TTN: variants seen among roughly 807,000 people sequenced by gnomAD.
The protein encoded by TTN is connectin.
Under a neutral mutation model 3,223.0 loss-of-function variants are expected in TTN, and 1,525 were observed. The ratio of observed to expected loss-of-function variants is 0.47; its 90% confidence interval spans 0.45 to 0.49. The LOEUF is 0.49. Ranked by LOEUF, TTN falls within the 20% of genes least tolerant of loss-of-function variation. TTN has a pLI of 0.00. For synonymous variants in TTN, 14,094 were observed against 15,161.0 expected, an observed-to-expected ratio of 0.93 and a Z score of 5.17; for missense variants, 40,786 against 43,424.0, an observed-to-expected ratio of 0.94 and a Z score of 5.40.
chr2:178,611,263 T>A lies in TTN; in HGVS notation c.50866A>T (p.Thr16956Ser), dbSNP rs1250320003. The A allele has an allele frequency of 6.2e-7, 1 of 1,612,148 alleles. No individual in the cohort carries two copies. The highest frequency in any genetic ancestry group is 8.5e-7 in the Non-Finnish European group (1 of 1,179,126). The change falls in exon 270 of 363, where the codon ACA becomes TCA. Residue 16956 changes from threonine to serine, a missense_variant. Coordinates refer to ENST00000589042, the MANE Select transcript of TTN (RefSeq NM_001267550.2). Reference sequence around the variant, plus strand: ...ATGTCATGAGTCTCCAGGTCAATTGTTGGCTTGCCTGTAAGATATCATTCA... The same window carrying A: ...ATGTCATGAGTCTCCAGGTCAATTGATGGCTTGCCTGTAAGATATCATTCA... Reference protein sequence around the residue: ...VVAKDPDCKPTIDLETHDIIV... With the variant: ...VVAKDPDCKPSIDLETHDIIV...
chr2:178,582,477 A>G lies in TTN; in HGVS notation c.65979T>C (p.Val21993=), dbSNP rs745551095. The part of the protein sequence containing the change: ...DGGSEITNYI[V]DKRETSRPNW... Reference sequence around the variant, plus strand: ...TGGGCCTGCTTGTTTCACGTTTGTCAACAATATAGTTGGTGATTTCTGAGC... The same window carrying G: ...TGGGCCTGCTTGTTTCACGTTTGTCGACAATATAGTTGGTGATTTCTGAGC... The change falls in exon 314 of 363, where the codon GTT becomes GTC. Residue 21993 remains valine, a synonymous_variant. Transcript: ENST00000589042. 1 of 1,612,956 alleles carries G rather than the reference A, an allele frequency of 6.2e-7. No individual in the cohort carries two copies. Among genetic ancestry groups the G allele is most frequent in the Non-Finnish European group, 8.5e-7 (1 of 1,179,332 alleles).
At chr2:178,685,102 G>T in intron 129 of TTN, 113 bp from the exon 130 acceptor site, 1 of 1,146,896 alleles carries the variant, frequency 8.7e-7, no homozygotes, top group Non-Finnish European at 1.3e-6. Context: ...AAACGTTAAT[G>T]ACTATACTCA....
intron 292 of TTN, 36 bp downstream of exon 292, chr2:178,598,470 T>C: frequency 6.3e-7 from 1 of 1,591,752 alleles, no homozygotes; most frequent in Non-Finnish European, 8.5e-7. Context: ...TTTTAGTTTA[T>C]TCATAGTGCA....
At chr2:178,628,125 G>A (rs1188457400) in intron 240 of TTN, among the ~76,000 whole-genome samples, 1 of 152,018 alleles carries the variant, frequency 6.6e-6, no homozygotes, top group African/African-American at 2.4e-5. Flanking sequence ...TGTATAACAG[G>A]CAGGCGTTAC....
In TTN at chr2:178,785,891, T is replaced by C; in HGVS notation, c.2327A>G (p.His776Arg). ...PRVIQAPSET[H>R]IKTTDQKGMH... ...TCCCTTTTGATCAGTAGTTTTGATATGAGTCTCAGAAGGAGCCTGGATTAC... is the reference window on the plus strand; with the variant it reads ...TCCCTTTTGATCAGTAGTTTTGATACGAGTCTCAGAAGGAGCCTGGATTAC... The change falls in exon 14 of 363, where the codon CAT becomes CGT. Residue 776 changes from histidine to arginine, a missense_variant. By Grantham distance (29) the His-to-Arg change is conservative. Coordinates refer to ENST00000589042, the MANE Select transcript of TTN (RefSeq NM_001267550.2). The C allele has an allele frequency of 6.2e-7, 1 of 1,614,150 alleles. No homozygotes were observed. Among genetic ancestry groups the C allele is most frequent in the Non-Finnish European group, 8.5e-7 (1 of 1,179,998 alleles).
chr2:178,688,003 A>T (rs2071346455), intron 127 of TTN, 108 bp downstream of exon 127: 1 of 827,212 alleles, frequency 1.2e-6, no homozygotes, highest in East Asian at 2.5e-5. Flanking sequence ...ATGTTCACTG[A>T]ATTTGTGTCA....
intron 47 of TTN, chr2:178,751,658 A>G (rs1322761163): frequency 5.6e-6 from 9 of 1,613,428 alleles, no homozygotes; most frequent in Non-Finnish European, 7.6e-6. Context: ...ATTAATTGCT[A>G]GTAACCTATA....
rs876658050 is a variant in TTN, at chr2:178,711,939, A to G, written c.27886+5T>C. ...ATTCGTTCACTTTAAAAATATTGCA[A>G]TCACCTTGAACGGTAAGGAAAGTTG... On this transcript the variant is annotated splice_donor_5th_base_variant and intron_variant, in intron 96 of 362. Transcript: ENST00000589042. The G allele has an allele frequency of 5.8e-6, 9 of 1,560,566 alleles. No individual in the cohort carries two copies. The highest frequency in any genetic ancestry group is 7.8e-6 in the Non-Finnish European group (9 of 1,153,356).
intron 100 of TTN, 115 bp from the exon 101 acceptor site, chr2:178,707,069 AT>A: frequency 1.2e-6 from 1 of 846,592 alleles, no homozygotes; most frequent in Admixed American, 3.0e-5. Flanking sequence ...GTACTGCAGA[AT>A]TCTCTTTCTA....
rs1173795392 is a variant in TTN, at chr2:178,611,196, A to C, written c.50933T>G (p.Phe16978Cys). ...EGEKLSIPVPFRAVPVPTVSW... is the reference protein window; with the variant it reads ...EGEKLSIPVPCRAVPVPTVSW... ...AACAGTTGGAACTGGGACAGCTCTGAAGGGAACAGGAATGCTTAACTTTTC... is the reference window on the plus strand; with the variant it reads ...AACAGTTGGAACTGGGACAGCTCTGCAGGGAACAGGAATGCTTAACTTTTC... The change falls in exon 270 of 363, where the codon TTC (phenylalanine) becomes TGC (cysteine). Residue 16978 changes from phenylalanine to cysteine, a missense_variant. Transcript: ENST00000589042. 6.2e-7 allele frequency: 1 copy of C among 1,612,770 alleles called. No homozygotes were observed. Among genetic ancestry groups the C allele is most frequent in the Non-Finnish European group, 8.5e-7 (1 of 1,179,300 alleles).
At position 178,589,801 on chromosome 2, in the gene TTN, C is replaced by G; in HGVS notation, c.61924G>C (p.Val20642Leu). Reference sequence around the variant, plus strand: ...ACACCTACTTTATTCTCTGCACAAACTCGGAAATAGTATTCATTGTTGGCT... The same window carrying G: ...ACACCTACTTTATTCTCTGCACAAAGTCGGAAATAGTATTCATTGTTGGCT... Reference protein sequence around the residue: ...LLANNEYYFRVCAENKVGVGP... With the variant: ...LLANNEYYFRLCAENKVGVGP... The change falls in exon 304 of 363, where the codon GTT becomes CTT. Residue 20642 changes from valine (V) to leucine (L), a missense_variant. Val to Leu is a conservative substitution (Grantham distance 32). Coordinates refer to ENST00000589042, the MANE Select transcript of TTN (RefSeq NM_001267550.2). 1 of 1,613,548 alleles carries G rather than the reference C, an allele frequency of 6.2e-7. No individual in the cohort carries two copies.
At chr2:178,690,679 G>A (rs1470986657) in intron 121 of TTN, among the ~76,000 whole-genome samples, 3 of 152,116 alleles carry the variant, frequency 2.0e-5, no homozygotes, top group African/African-American at 7.2e-5. Context: ...ATACAATATT[G>A]GCAGCTTTTG....
chr2:178,789,434 C>T lies in TTN; in HGVS notation c.2002G>A (p.Glu668Lys). The change falls in exon 13 of 363, where the codon GAA becomes AAA. Residue 668 changes from glutamate to lysine, a missense_variant. Physicochemically the swap from Glu to Lys is moderately conservative, Grantham distance 56. Transcript: ENST00000589042. Reference sequence around the variant, plus strand: ...CTAGTTCTCAGTATTGTTTCTTGTTCTTTGGCTTTAGCAGTAGCAACTGCT... The same window carrying T: ...CTAGTTCTCAGTATTGTTTCTTGTTTTTTGGCTTTAGCAGTAGCAACTGCT... The part of the protein sequence containing the change: ...TIAVATAKAK[E>K]QETILRTRET... 1.2e-6 allele frequency: 2 copies of T among 1,613,518 alleles called. No individual in the cohort carries two copies. Among genetic ancestry groups the T allele is most frequent in the Non-Finnish European group, 1.7e-6 (2 of 1,179,594 alleles).
In TTN at chr2:178,802,262, G is replaced by T. The variant is rs746218007; in HGVS notation, c.171C>A (p.Ser57=). ...STSTLPGVQI[S]FSDGRAKLTI... ...TCAGTTTAGCGCGGCCATCGCTAAAGGAGATCTGCACGCCGGGCAGAGTGG... is the reference window on the plus strand; with the variant it reads ...TCAGTTTAGCGCGGCCATCGCTAAATGAGATCTGCACGCCGGGCAGAGTGG... The change falls in exon 3 of 363, where the codon TCC becomes TCA. Residue 57 remains serine (S), a synonymous_variant. Transcript: ENST00000589042. 6 of 1,614,028 alleles carry T rather than the reference G, an allele frequency of 3.7e-6. No homozygotes were observed. In the South Asian group the frequency reaches 6.6e-5, roughly 18 times the overall value.
rs769626460 is a variant in TTN, at chr2:178,734,477, C to A, written c.15347G>T (p.Arg5116Leu). Residue 5116 changes from arginine (R) to leucine (L), a missense_variant, in exon 52 of 363, where the codon CGA (arginine) becomes CTA (leucine). Transcript: ENST00000589042. ...AAACAATCTGTATTTTTTACTACTT[C>A]GAATTTGTTTCTTGTCTTTGAACCA... ...ISWFKDKKQI[R>L]SSKKYRLFSQ... The A allele has an allele frequency of 6.2e-7, 1 of 1,613,684 alleles. No homozygotes were observed. The highest frequency in any genetic ancestry group is 2.2e-5 in the East Asian group (1 of 44,838).
chr2:178,674,946 C>A (rs552767695), intron 150 of TTN, 93 bp downstream of exon 150: 2 of 639,090 alleles, frequency 3.1e-6, no homozygotes, highest in Admixed American at 4.1e-5. Flanking sequence ...TGTTGATTTC[C>A]TGGGGTAAAT....
At chr2:178,711,394 T>G in intron 96 of TTN, 45 bp from the exon 97 acceptor site, 1 of 1,514,768 alleles carries the variant, frequency 6.6e-7, no homozygotes, top group Non-Finnish European at 8.8e-7. Flanking sequence ...ATTTACTAAA[T>G]GCTCTTCTCA....
At position 178,602,304 on chromosome 2, in the gene TTN, C is replaced by A. The variant is rs1269570668; in HGVS notation, c.55098G>T (p.Glu18366Asp). ...GESEPSDTTG[E>D]IPATDIQEEP... Reference sequence around the variant, plus strand: ...TACCTTGAATATCAGTGGCAGGGATCTCCCCAGTTGTATCACTTGGTTCAG... The same window carrying A: ...TACCTTGAATATCAGTGGCAGGGATATCCCCAGTTGTATCACTTGGTTCAG... The change falls in exon 283 of 363, where the codon GAG (glutamate) becomes GAT (aspartate). Residue 18366 changes from glutamate to aspartate, a missense_variant. Glu to Asp is a conservative substitution (Grantham distance 45, BLOSUM62 2). Coordinates refer to ENST00000589042, the MANE Select transcript of TTN (RefSeq NM_001267550.2). The A allele has an allele frequency of 6.8e-6, 11 of 1,612,706 alleles. No homozygotes were observed. The highest frequency in any genetic ancestry group is 1.7e-5 in the Admixed American group (1 of 59,918).
chr2:178,725,289 G>T, intron 71 of TTN, 79 bp downstream of exon 71: 3 of 1,375,386 alleles, frequency 2.2e-6, no homozygotes, highest in Non-Finnish European at 1.9e-6. Context: ...AAGAAACTCA[G>T]AAAAAGAATC....
Sources: allele counts gnomAD v4.1 joint callset (sites outside exome capture counted in the v4.1 genomes callset), GRCh38; gene constraint gnomAD v4.1.1; transcripts MANE v1.5; gene names NCBI Gene and HGNC (gene_info 2026-07-23, HGNC 2026-07-21).